NCALD: variants seen among roughly 807,000 people sequenced by gnomAD.
The protein encoded by NCALD is neurocalcin-delta.
A neutral mutation model predicts 18.6 loss-of-function variants in NCALD; 10 were observed. The observed-to-expected ratio is 0.54, with a 90% CI of 0.33 to 0.91. The LOEUF (loss-of-function observed/expected upper bound fraction) is 0.91, where lower values mean the gene tolerates loss of function less well. NCALD is among the 40% of genes least tolerant of loss of function. The probability of loss-of-function intolerance (pLI) is 0.03; values close to 1 mark genes in which losing one functional copy is unlikely to be tolerated. For synonymous variants in NCALD, 88 were observed against 87.4 expected (o/e 1.01, Z -0.04); for missense variants, 184 against 247.6 (o/e 0.74, Z 1.72).
rs761708261 is a variant in NCALD, at chr8:101,689,268, G to C, written c.*41C>G. 37 of 1,577,278 alleles carry C rather than the reference G, an allele frequency of 2.3e-5. No individual in the cohort carries two copies. Among genetic ancestry groups the C allele is most frequent in the Non-Finnish European group, 2.6e-5 (30 of 1,152,246 alleles). On this transcript the variant is annotated 3_prime_UTR_variant, in exon 4 of 4. Coordinates refer to ENST00000220931, the MANE Select transcript of NCALD (RefSeq NM_032041.3). This position sits in a 1 kb window ranked among gnomAD's most constrained non-coding sequence, Gnocchi z 4.4. The stretch of plus-strand genomic sequence containing the variant: ...ATTGTTAAAAAGAAGAATCAAAAGG[G>C]AACACAAGCAGCTCTACAATTCGAT...
intron 1 of NCALD, among the ~76,000 whole-genome samples, chr8:102,097,720 C>A (rs934715024): frequency 6.6e-6 from 1 of 152,246 alleles, no homozygotes; most frequent in Non-Finnish European, 1.5e-5. Flanking sequence ...ATTTTTAGCA[C>A]TGAAACCTTG....
chr8:102,099,955 G>A (rs1825222197), intron 1 of NCALD, among the ~76,000 whole-genome samples: 1 of 145,626 alleles, frequency 6.9e-6, no homozygotes, highest in Non-Finnish European at 1.5e-5. Context: ...CTGGACAACA[G>A]AGTAAGACAG....
At chr8:101,806,661 T>A (rs1424055895) in intron 4 of NCALD, among the ~76,000 whole-genome samples, 1 of 151,952 alleles carries the variant, frequency 6.6e-6, no homozygotes, top group African/African-American at 2.4e-5. Flanking sequence ...GAACATGCAA[T>A]CTGAAGAGCA....
At chr8:101,790,036 T>C (rs561739920) in intron 1 of NCALD, among the ~76,000 whole-genome samples, 1 of 152,348 alleles carries the variant, frequency 6.6e-6, no homozygotes, top group African/African-American at 2.4e-5. Context: ...GTAGAACTTG[T>C]GTCAATGATA....
At chr8:101,836,517 G>C (rs1814420977) in intron 4 of NCALD, among the ~76,000 whole-genome samples, 1 of 152,114 alleles carries the variant, frequency 6.6e-6, no homozygotes, top group Admixed American at 6.5e-5. Context: ...TTTGAGATTT[G>C]ACTGGAGTAA....
At chr8:101,998,813 G>A (rs991313359) in intron 2 of NCALD, among the ~76,000 whole-genome samples, 6 of 152,156 alleles carry the variant, frequency 3.9e-5, no homozygotes, top group Non-Finnish European at 8.8e-5. Flanking sequence ...CAAGACCCCA[G>A]TGTAACCAGT....
intron 4 of NCALD, among the ~76,000 whole-genome samples, chr8:101,880,770 A>G (rs761606072): frequency 6.6e-6 from 1 of 152,232 alleles, no homozygotes; most frequent in Non-Finnish European, 1.5e-5. Flanking sequence ...TTAGAATTTG[A>G]GGGGTAGAAA....
chr8:101,837,624 C>T (rs1368948647), intron 4 of NCALD, among the ~76,000 whole-genome samples: 1 of 152,182 alleles, frequency 6.6e-6, no homozygotes, highest in Non-Finnish European at 1.5e-5. Context: ...CATTATTCTC[C>T]ACATACAGGC....
At chr8:101,810,319 G>A (rs777064919) in intron 4 of NCALD, among the ~76,000 whole-genome samples, 2 of 152,084 alleles carry the variant, frequency 1.3e-5, no homozygotes, top group Admixed American at 6.6e-5. Context: ...TACCTTGCAC[G>A]GTGGTTATAA....
chr8:101,784,298 A>T (rs1290017309), intron 1 of NCALD, among the ~76,000 whole-genome samples: 1 of 152,152 alleles, frequency 6.6e-6, no homozygotes, highest in Non-Finnish European at 1.5e-5. Flanking sequence ...GGTTTCCTAC[A>T]ATATGGTGAC....
At chr8:101,832,973 G>T (rs964240183) in intron 4 of NCALD, among the ~76,000 whole-genome samples, 1 of 152,166 alleles carries the variant, frequency 6.6e-6, no homozygotes, top group Non-Finnish European at 1.5e-5. Context: ...TTCTTATATT[G>T]TGGCCATGTT....
At chr8:101,936,990 T>A (rs1223582179) in intron 2 of NCALD, among the ~76,000 whole-genome samples, 1 of 152,194 alleles carries the variant, frequency 6.6e-6, no homozygotes, top group Non-Finnish European at 1.5e-5. Context: ...CTTATTGAGA[T>A]AATTTTAAAT....
intron 1 of NCALD, among the ~76,000 whole-genome samples, chr8:101,724,075 C>G (rs1431306523): frequency 6.6e-6 from 1 of 152,212 alleles, no homozygotes; most frequent in Admixed American, 6.5e-5. Flanking sequence ...GTATATGTGA[C>G]TTTCAGACAT....
intron 1 of NCALD, among the ~76,000 whole-genome samples, chr8:101,765,438 C>T (rs1264847091): frequency 1.3e-5 from 2 of 152,044 alleles, no homozygotes; most frequent in African/African-American, 2.4e-5. Flanking sequence ...TGTCAAACCC[C>T]GACATGTGCA....
chr8:101,981,764 T>C (rs1820626748), intron 2 of NCALD, among the ~76,000 whole-genome samples: 1 of 143,318 alleles, frequency 7.0e-6, no homozygotes, highest in Non-Finnish European at 1.5e-5. Flanking sequence ...TTTCTTTTTC[T>C]AAACAGTCTT....
intron 1 of NCALD, among the ~76,000 whole-genome samples, chr8:102,059,921 T>C (rs2132253979): frequency 6.6e-6 from 1 of 152,312 alleles, no homozygotes; most frequent in Non-Finnish European, 1.5e-5. Context: ...CCTCAGAGTG[T>C]CTGATGCAGC....
At chr8:101,966,183 C>CA (rs199649928) in intron 2 of NCALD, among the ~76,000 whole-genome samples, 6,571 of 134,436 alleles carry the variant, frequency 0.049, 323 homozygotes, top group East Asian at 0.15. Flanking sequence ...GCAATCAAAG[C>CA]AAAAAAAAAA....
intron 1 of NCALD, among the ~76,000 whole-genome samples, chr8:102,110,020 T>C (rs1825592049): frequency 6.6e-6 from 1 of 152,232 alleles, no homozygotes; most frequent in Non-Finnish European, 1.5e-5. Flanking sequence ...TTGTAGACAA[T>C]GTTTTATTGC....
chr8:101,834,100 T>TG (rs1380862544), intron 4 of NCALD, among the ~76,000 whole-genome samples: 1 of 152,182 alleles, frequency 6.6e-6, no homozygotes, highest in African/African-American at 2.4e-5. Flanking sequence ...GAGTGCCTTC[T>TG]GGGGGGATTT....
Sources: gnomAD v4.1 joint callset for allele counts (sites outside exome capture counted in the v4.1 genomes callset) on GRCh38, gnomAD v4.1.1 for gene constraint, Gnocchi (gnomAD v3.1) non-coding constraint, MANE v1.5 for transcripts, NCBI Gene and HGNC (gene_info 2026-07-23, HGNC 2026-07-21) for gene names.